The following FBXO11 variants were observed in gnomAD, a reference collection of about 807,000 sequenced individuals.
FBXO11 encodes F-box protein 11, also known as F-box only protein 11.
In FBXO11, 13 loss-of-function variants were observed where a neutral mutation model predicts 117.0. The ratio of observed to expected loss-of-function variants is 0.11; its 90% CI spans 0.07 to 0.18. The LOEUF (loss-of-function observed/expected upper bound fraction) is 0.18. FBXO11 is among the 10% of genes least tolerant of loss of function. The probability of loss-of-function intolerance (pLI) is 1.00; values close to 1 mark genes in which losing one functional copy is unlikely to be tolerated. For synonymous variants in FBXO11, 490 were observed against 380.5 expected, an observed-to-expected ratio of 1.29 and a Z score of -3.35; for missense variants, 767 against 1,164.4, an observed-to-expected ratio of 0.66 and a Z score of 4.97.
At position 47,808,679 on chromosome 2, in the gene FBXO11, C is replaced by G. The variant is rs17036969; in HGVS notation, c.2556-252G>C. On this transcript the variant is annotated intron_variant, in intron 21 of 22. Coordinates refer to ENST00000403359, the MANE Select transcript of FBXO11 (RefSeq NM_001190274.2). ...AGTTCTTTCCACTTTAAAAGCCTCT[C>G]AAATGTTTCTGGGCTGAAAACAATT... The G allele has an allele frequency of 3.9e-3, 1,521 of 386,988 alleles. 20 individuals carry two copies. Among genetic ancestry groups the G allele is most frequent in the African/African-American group, 0.027 (1,291 of 48,504 alleles). 24.0% of individuals were successfully genotyped at this position (386,988 alleles called of 1,614,324 possible).
chr2:47,875,322 G>C (rs1572887465), intron 1 of FBXO11, among the ~76,000 whole-genome samples: 1 of 152,050 alleles, frequency 6.6e-6, no homozygotes, highest in African/African-American at 2.4e-5. Flanking sequence ...GGACAACTTA[G>C]GTCTAGAGTG....
intron 1 of FBXO11, among the ~76,000 whole-genome samples, chr2:47,859,425 A>T (rs1173452164): frequency 6.6e-6 from 1 of 152,236 alleles, no homozygotes; most frequent in Non-Finnish European, 1.5e-5. Flanking sequence ...TTTTTTAAAA[A>T]AAGATTAAAC....
intron 12 of FBXO11, among the ~76,000 whole-genome samples, chr2:47,822,696 A>G (rs1671474850): frequency 6.6e-6 from 1 of 152,226 alleles, no homozygotes; most frequent in South Asian, 2.1e-4. Flanking sequence ...TGGCTTATTA[A>G]GGGAAAATGA....
chr2:47,809,538 G>A, intron 20 of FBXO11, 62 bp downstream of exon 20: 1 of 1,213,126 alleles, frequency 8.2e-7, no homozygotes, highest in Non-Finnish European at 1.2e-6. Flanking sequence ...TTATAAAACG[G>A]CTTCTGATTA....
chr2:47,828,136 T>C (rs911573934), intron 11 of FBXO11, among the ~76,000 whole-genome samples: 5 of 152,154 alleles, frequency 3.3e-5, no homozygotes, highest in Admixed American at 2.0e-4. Context: ...TGTGCCACCA[T>C]GCCCAGCTAA....
chr2:47,905,889 C>A lies in FBXO11; in HGVS notation c.-169G>T. The A allele has an allele frequency of 1.4e-6, 1 of 723,758 alleles. No homozygotes were observed. The highest frequency in any genetic ancestry group is 2.1e-6 in the Non-Finnish European group (1 of 481,454). 44.8% of individuals were successfully genotyped at this position (723,758 alleles called of 1,614,324 possible). A position where few individuals can be genotyped will look rare whatever the true frequency, so the allele number is the denominator to read the frequency against. On this transcript the variant is annotated 5_prime_UTR_variant, in exon 1 of 23. Coordinates refer to ENST00000403359, the MANE Select transcript of FBXO11 (RefSeq NM_001190274.2). ...GGAGGGGGCGAGCGGGACCCCGAGT[C>A]CGGAGAAAGGCCCGGGTAGACAGAC...
intron 1 of FBXO11, among the ~76,000 whole-genome samples, chr2:47,852,658 T>C (rs1019854236): frequency 1.3e-5 from 2 of 152,210 alleles, no homozygotes; most frequent in Non-Finnish European, 2.9e-5. Context: ...ATACAAATGA[T>C]GATGGATGAT....
chr2:47,847,803 T>C (rs1369204412), intron 1 of FBXO11, among the ~76,000 whole-genome samples: 1 of 152,060 alleles, frequency 6.6e-6, no homozygotes, highest in Admixed American at 6.6e-5. Flanking sequence ...TGCGTGACTG[T>C]GTTAGACAGA....
At chr2:47,882,249 T>C (rs1482086133) in intron 1 of FBXO11, among the ~76,000 whole-genome samples, 2 of 152,222 alleles carry the variant, frequency 1.3e-5, no homozygotes, top group Non-Finnish European at 2.9e-5. Context: ...TCTTATCTTA[T>C]AAATGTTGTT....
intron 1 of FBXO11, among the ~76,000 whole-genome samples, chr2:47,861,589 TG>T (rs1674782806): frequency 1.3e-5 from 2 of 152,166 alleles, no homozygotes; most frequent in Non-Finnish European, 2.9e-5. Context: ...CCTGAAGTGC[TG>T]GGATTACAGA....
chr2:47,880,360 A>C (rs756779262), intron 1 of FBXO11, among the ~76,000 whole-genome samples: 6 of 152,144 alleles, frequency 3.9e-5, no homozygotes, highest in East Asian at 1.9e-4. Context: ...AATTATAAGA[A>C]GACTTCTACT....
intron 1 of FBXO11, among the ~76,000 whole-genome samples, chr2:47,900,708 ATATATATACACGTATACACACACGTG>A (rs1678127726): frequency 9.1e-6 from 1 of 109,898 alleles, no homozygotes; most frequent in African/African-American, 3.3e-5. Context: ...ACACACGTGT[ATATATATACACGTATACACACACGTG>A]TATATATATA....
intron 1 of FBXO11, among the ~76,000 whole-genome samples, chr2:47,877,978 T>C (rs1316553214): frequency 2.0e-5 from 3 of 152,014 alleles, no homozygotes; most frequent in African/African-American, 7.2e-5. Context: ...CCACCGTGCC[T>C]GGCCCAGAAT....
At chr2:47,846,307 A>G (rs1673403485) in intron 1 of FBXO11, among the ~76,000 whole-genome samples, 1 of 152,134 alleles carries the variant, frequency 6.6e-6, no homozygotes, top group African/African-American at 2.4e-5. Flanking sequence ...GTCTCTACTA[A>G]AAATACAAAA....
At chr2:47,892,948 A>G (rs902082682) in intron 1 of FBXO11, among the ~76,000 whole-genome samples, 4 of 152,042 alleles carry the variant, frequency 2.6e-5, no homozygotes, top group African/African-American at 9.7e-5. Flanking sequence ...AATTCAATAA[A>G]TAATTACCAG....
At chr2:47,843,546 T>C (rs987309076) in intron 1 of FBXO11, among the ~76,000 whole-genome samples, 4 of 152,228 alleles carry the variant, frequency 2.6e-5, no homozygotes, top group Non-Finnish European at 5.9e-5. Context: ...TTCTTCATTA[T>C]GTAATTAATG....
intron 11 of FBXO11, among the ~76,000 whole-genome samples, chr2:47,829,082 G>A (rs937047907): frequency 6.6e-6 from 1 of 151,732 alleles, no homozygotes; most frequent in African/African-American, 2.4e-5. Flanking sequence ...CCACCACGAG[G>A]CAGTGTTTCG....
chr2:47,901,188 CATAT>C (rs1303822097), intron 1 of FBXO11, among the ~76,000 whole-genome samples: 1 of 133,550 alleles, frequency 7.5e-6, no homozygotes, highest in Admixed American at 7.8e-5. Context: ...TATGTGGGTA[CATAT>C]ATATGTGTGT....
At position 47,905,832 on chromosome 2, in the gene FBXO11, A is replaced by AG; in HGVS notation, c.-113dup. On this transcript the variant is annotated 5_prime_UTR_variant, in exon 1 of 23. Coordinates refer to ENST00000403359, the MANE Select transcript of FBXO11 (RefSeq NM_001190274.2). ...GAGTGGGAGAGGGGGGAGGAAGGAG[A>AG]GGGGGCGAGGGGAAGGGGAGACGCT... 3.3e-5 allele frequency: 1 copy of AG among 30,454 alleles called. No individual in the cohort carries two copies. Among genetic ancestry groups the AG allele is most frequent in the Non-Finnish European group, 6.2e-5 (1 of 16,252 alleles). The allele number at this position is 30,454 out of a possible 1,614,324, so 1.9% of individuals were successfully genotyped here. A position where few individuals can be genotyped will look rare whatever the true frequency, so the allele number is the denominator to read the frequency against.
Sources: gnomAD v4.1 joint callset for allele counts (sites outside exome capture counted in the v4.1 genomes callset) on GRCh38, gnomAD v4.1.1 for gene constraint, MANE v1.5 for transcripts, NCBI Gene and HGNC (gene_info 2026-07-23, HGNC 2026-07-21) for gene names.